The following SPON1 variants were observed in gnomAD, a reference collection of about 807,000 sequenced individuals.
SPON1 encodes the protein spondin 1, also known as spondin-1.
In SPON1, 52 loss-of-function variants were observed where a neutral mutation model predicts 111.7. The ratio of observed to expected loss-of-function variants is 0.47; its 90% CI spans 0.37 to 0.59. The LOEUF (loss-of-function observed/expected upper bound fraction) is 0.59, where lower values mean the gene tolerates loss of function less well. Among genes scored for constraint, SPON1 ranks in the 20% least tolerant of loss-of-function variants. The pLI is 0.00. For missense variants in SPON1, 957 were observed against 1,068.5 expected, an observed-to-expected ratio of 0.90 and a Z score of 1.46; for synonymous variants, 410 against 395.8, an observed-to-expected ratio of 1.04 and a Z score of -0.43.
intron 2 of SPON1, among the ~76,000 whole-genome samples, chr11:14,011,222 A>C (rs1391505865): frequency 6.6e-6 from 1 of 152,162 alleles, no homozygotes; most frequent in Non-Finnish European, 1.5e-5. Flanking sequence ...GACTCTACTG[A>C]AAACCATGTT....
intron 13 of SPON1, among the ~76,000 whole-genome samples, chr11:14,260,365 C>CG (rs200961190): frequency 0.012 from 1,781 of 151,528 alleles, 12 homozygotes; most frequent in Middle Eastern, 0.017. Flanking sequence ...TCATAACCAT[C>CG]GGGGGGGGTC....
chr11:14,264,603 C>T (rs913174367), intron 15 of SPON1, among the ~76,000 whole-genome samples: 3 of 152,228 alleles, frequency 2.0e-5, no homozygotes, highest in Non-Finnish European at 4.4e-5. Context: ...GTCTGTTCTA[C>T]ATGGTAGTCA....
intron 2 of SPON1, among the ~76,000 whole-genome samples, chr11:14,003,586 G>T (rs1193462857): frequency 6.6e-6 from 1 of 152,096 alleles, no homozygotes; most frequent in African/African-American, 2.4e-5. Context: ...AGTGGTCAAG[G>T]CACTCTGTGA....
At chr11:14,057,000 T>A (rs1209748757) in intron 3 of SPON1, among the ~76,000 whole-genome samples, 1 of 152,140 alleles carries the variant, frequency 6.6e-6, no homozygotes, top group South Asian at 2.1e-4. Flanking sequence ...AGCACTGGAT[T>A]ACAACCCATT....
intron 2 of SPON1, among the ~76,000 whole-genome samples, chr11:14,022,969 C>T (rs1277048424): frequency 6.6e-6 from 1 of 152,188 alleles, no homozygotes; most frequent in African/African-American, 2.4e-5. Context: ...TTGTTCCTCC[C>T]TCTTTTCCTT....
intron 6 of SPON1, among the ~76,000 whole-genome samples, chr11:14,142,674 C>T (rs1391966660): frequency 6.6e-6 from 1 of 152,208 alleles, no homozygotes; most frequent in Non-Finnish European, 1.5e-5. Context: ...AGCACATCTT[C>T]CTGAATGTAG....
At chr11:14,197,687 G>C (rs529815588) in intron 6 of SPON1, among the ~76,000 whole-genome samples, 1 of 150,442 alleles carries the variant, frequency 6.6e-6, no homozygotes, top group Non-Finnish European at 1.5e-5. Context: ...ATGGTGGCAC[G>C]CACCTGTAGT....
At chr11:14,159,997 G>A (rs1194063753) in intron 6 of SPON1, among the ~76,000 whole-genome samples, 2 of 152,062 alleles carry the variant, frequency 1.3e-5, no homozygotes, top group Admixed American at 6.6e-5. Context: ...GGTGAATATA[G>A]TCAATAATAA....
Position 13,962,840 on chromosome 11 carries a change from C to A in SPON1, c.-65C>A. ...CCGCCAGGTCGCGCCTTCGTCGGGA[C>A]CACTTCGGGCAGGAGTCGCGTGGCG... On this transcript the variant is annotated 5_prime_UTR_variant, in exon 1 of 16. Coordinates refer to ENST00000576479, the MANE Select transcript of SPON1 (RefSeq NM_006108.4). 1 of 1,363,802 alleles carries A rather than the reference C, an allele frequency of 7.3e-7. No homozygotes were observed. Among genetic ancestry groups the A allele is most frequent in the Non-Finnish European group, 9.5e-7 (1 of 1,052,754 alleles). 84.5% of individuals were successfully genotyped at this position (1,363,802 alleles called of 1,614,324 possible).
At chr11:14,025,712 G>C (rs1554915234) in intron 2 of SPON1, among the ~76,000 whole-genome samples, 1 of 152,152 alleles carries the variant, frequency 6.6e-6, no homozygotes, top group Non-Finnish European at 1.5e-5. Flanking sequence ...GGTTCTTGGG[G>C]CTGGGAAATG....
At chr11:14,177,591 C>T (rs933301102) in intron 6 of SPON1, among the ~76,000 whole-genome samples, 2 of 152,108 alleles carry the variant, frequency 1.3e-5, no homozygotes, top group Non-Finnish European at 2.9e-5. Flanking sequence ...AACTTGTAGC[C>T]TCCAGCTGTA....
intron 7 of SPON1, 68 bp from the exon 8 acceptor site, chr11:14,254,460 A>G: frequency 2.2e-6 from 3 of 1,345,794 alleles, no homozygotes; most frequent in Non-Finnish European, 3.1e-6. Context: ...TAATCCAGGC[A>G]GATTTCCCTC....
chr11:14,048,748 G>A (rs1050003608), intron 3 of SPON1, among the ~76,000 whole-genome samples: 2 of 152,148 alleles, frequency 1.3e-5, no homozygotes, highest in African/African-American at 4.8e-5. Context: ...TAGAATAAAT[G>A]TTTACAGACC....
At chr11:14,095,708 CAATT>C (rs1445544268) in intron 5 of SPON1, among the ~76,000 whole-genome samples, 1 of 152,196 alleles carries the variant, frequency 6.6e-6, no homozygotes, top group Non-Finnish European at 1.5e-5. Flanking sequence ...ATTCGGCCCT[CAATT>C]GATTGGATGA....
chr11:14,112,510 T>C (rs1444770862), intron 5 of SPON1, among the ~76,000 whole-genome samples: 1 of 152,254 alleles, frequency 6.6e-6, no homozygotes, highest in Non-Finnish European at 1.5e-5. Context: ...GGGATAATAA[T>C]AATACTAACT....
chr11:14,027,720 A>T (rs1848529226), intron 2 of SPON1, among the ~76,000 whole-genome samples: 1 of 152,250 alleles, frequency 6.6e-6, no homozygotes. Context: ...TGAGCTGATC[A>T]TAAATCTGAA....
chr11:14,104,090 T>G lies in SPON1; in HGVS notation c.676+24069T>G, dbSNP rs868956924. On this transcript the variant is annotated intron_variant, in intron 5 of 15. Transcript: ENST00000576479. ...GAAATCTCACTTGCTTTTTTTCCCT[T>G]TAATTAGTAGACCTTTTTAGTGATT... is the stretch of plus-strand genomic sequence containing the variant. Among the ~76,000 whole-genome samples the G allele has an allele frequency of 2.0e-5, 3 of 152,146 alleles. No individual in the cohort carries two copies. The South Asian group carries it at 6.2e-4, about 31-fold the overall frequency.
At chr11:14,262,164 CTG>C (rs781806666) in intron 14 of SPON1, among the ~76,000 whole-genome samples, 4 of 152,194 alleles carry the variant, frequency 2.6e-5, no homozygotes, top group Non-Finnish European at 2.9e-5. Context: ...TTTCTGGCTC[CTG>C]TGTTTTTTGC....
At chr11:14,244,695 C>T (rs189810454) in intron 7 of SPON1, among the ~76,000 whole-genome samples, 13 of 149,636 alleles carry the variant, frequency 8.7e-5, no homozygotes, top group Admixed American at 4.0e-4. Flanking sequence ...AGCAGTGAGC[C>T]GTGATCGCAC....
Sources: gnomAD v4.1 joint callset for allele counts (sites outside exome capture counted in the v4.1 genomes callset) on GRCh38, gnomAD v4.1.1 for gene constraint, MANE v1.5 for transcripts, NCBI Gene and HGNC (gene_info 2026-07-23, HGNC 2026-07-21) for gene names.